DIAPH2: variants seen among roughly 807,000 people sequenced by gnomAD.
The protein encoded by DIAPH2 is protein diaphanous homolog 2.
DIAPH2 carries 35 observed loss-of-function variants against 92.7 expected under a neutral mutation model. That is an observed-to-expected ratio of 0.38 (90% confidence interval 0.29 to 0.50). The LOEUF is 0.50. Among genes scored for constraint, DIAPH2 ranks in the 20% least tolerant of loss-of-function variants. The pLI is 0.94. For missense variants in DIAPH2, 701 were observed against 819.5 expected (o/e 0.86, Z 1.77); for synonymous variants, 301 against 280.4 (o/e 1.07, Z -0.73).
rs185192172 is a variant in DIAPH2 at position 97,033,343 on chromosome X, C to A, written c.2051-39598C>A. 9.0e-3 allele frequency among the ~76,000 whole-genome samples: 1,003 copies of A among 111,401 alleles called. 12 individuals are homozygous for A. The highest frequency in any genetic ancestry group is 0.032 in the African/African-American group (979 of 30,757). On this transcript the variant is annotated intron_variant, in intron 17 of 26. Transcript: ENST00000324765. ...CTTTTTTTCCTAAGTAAGATAATAGCGTCAGAGATCAGAAAGATGCCAGAT... is the reference window on the plus strand; with the variant it reads ...CTTTTTTTCCTAAGTAAGATAATAGAGTCAGAGATCAGAAAGATGCCAGAT...
At chrX:97,099,612 TA>T (rs2066893081) in intron 19 of DIAPH2, 81 bp from the exon 20 acceptor site, 1 of 585,376 alleles carries the variant, frequency 1.7e-6, no homozygotes, top group Non-Finnish European at 2.5e-6. Context: ...CTGTCCTAGT[TA>T]ATCACTTTCA....
intron 26 of DIAPH2, among the ~76,000 whole-genome samples, chrX:97,582,713 C>T (rs1196489951): frequency 2.7e-4 from 29 of 108,757 alleles, no homozygotes; most frequent in Middle Eastern, 4.7e-3. Context: ...TGAATCTGAA[C>T]GTTGGCCTGC....
intron 22 of DIAPH2, among the ~76,000 whole-genome samples, chrX:97,209,722 G>C (rs963921486): frequency 1.8e-5 from 2 of 110,427 alleles, no homozygotes; most frequent in Admixed American, 9.7e-5. Context: ...GAAATAGTAA[G>C]GTACTTATTC....
intron 3 of DIAPH2, 47 bp downstream of exon 3, chrX:96,738,809 C>A: frequency 9.7e-7 from 1 of 1,030,535 alleles, no homozygotes; most frequent in Non-Finnish European, 1.3e-6. Flanking sequence ...TGTGTGTGCC[C>A]AGAATAGCAC....
At chrX:96,815,729 A>G (rs1216763423) in intron 4 of DIAPH2, among the ~76,000 whole-genome samples, 2 of 111,169 alleles carry the variant, frequency 1.8e-5, no homozygotes, top group Non-Finnish European at 3.8e-5. Flanking sequence ...CAGTGGCACT[A>G]TCTGGGTTCA....
intron 5 of DIAPH2, among the ~76,000 whole-genome samples, chrX:96,903,092 A>C (rs2065409538): frequency 9.5e-6 from 1 of 105,474 alleles, no homozygotes; most frequent in South Asian, 4.5e-4. Flanking sequence ...TCACTCATCA[A>C]ATAGCAATTA....
chrX:97,498,391 T>G (rs2070774135), intron 26 of DIAPH2, among the ~76,000 whole-genome samples: 1 of 111,561 alleles, frequency 9.0e-6, no homozygotes, highest in South Asian at 3.8e-4. Flanking sequence ...AAGAAAAATT[T>G]GGTTTGTTTG....
chrX:96,914,573 C>G (rs1220944524), intron 7 of DIAPH2, among the ~76,000 whole-genome samples: 1 of 110,833 alleles, frequency 9.0e-6, no homozygotes, highest in African/African-American at 3.3e-5. Context: ...CTTATTGACT[C>G]ATGTTGTCAA....
intron 4 of DIAPH2, among the ~76,000 whole-genome samples, chrX:96,821,400 TC>T (rs2064776944): frequency 9.0e-6 from 1 of 111,516 alleles, no homozygotes; most frequent in Non-Finnish European, 1.9e-5. Flanking sequence ...GTCTCTGACT[TC>T]CTTGCACATG....
At chrX:96,685,255 T>C (rs1340112317) in intron 1 of DIAPH2, 65 bp downstream of exon 1, 1 of 960,244 alleles carries the variant, frequency 1.0e-6, no homozygotes, top group Non-Finnish European at 1.3e-6. Flanking sequence ...CTCCTGCCAT[T>C]GAACACGGGG....
chrX:97,251,249 G>C (rs2068186243), intron 23 of DIAPH2, among the ~76,000 whole-genome samples: 2 of 111,785 alleles, frequency 1.8e-5, no homozygotes, highest in African/African-American at 6.5e-5. Context: ...AAGACTCAAA[G>C]AAACAGGGAA....
At chrX:97,167,149 T>C (rs753231933) in intron 22 of DIAPH2, among the ~76,000 whole-genome samples, 6 of 111,717 alleles carry the variant, frequency 5.4e-5, no homozygotes, top group Non-Finnish European at 1.1e-4. Flanking sequence ...TTTGTTAATA[T>C]AAACAAAGCT....
At chrX:97,266,435 T>G (rs1324675788) in intron 23 of DIAPH2, among the ~76,000 whole-genome samples, 1 of 112,133 alleles carries the variant, frequency 8.9e-6, no homozygotes, top group East Asian at 2.8e-4. Context: ...TGGACAGTAT[T>G]ATCTTTACAT....
rs2065039792 is a variant in DIAPH2, at chrX:96,856,437, G to C, written c.448-25142G>C. ...CAGGAGATTTAAAAATAGAATTCAA[G>C]GTTTTTTTTTTTTTTTTCCTTTGTG... On this transcript the variant is annotated intron_variant, in intron 4 of 26. Transcript: ENST00000324765. 3.0e-5 allele frequency among the ~76,000 whole-genome samples: 3 copies of C among 100,080 alleles called. No homozygotes were observed. In the South Asian group the frequency reaches 1.4e-3, roughly 48 times the overall value. 86.9% of individuals were successfully genotyped at this position (100,080 alleles called of 115,157 possible). A position where few individuals can be genotyped will look rare whatever the true frequency, so the allele number is the denominator to read the frequency against.
At position 97,394,766 on chromosome X, in the gene DIAPH2, C is replaced by T. The variant is rs192069718; in HGVS notation, c.3145+10722C>T. Reference sequence around the variant, plus strand: ...TATTGAGATGCAAAGAGGAGGAGCTCCCATTGTAGCAATCATCAAATGATA... The same window carrying T: ...TATTGAGATGCAAAGAGGAGGAGCTTCCATTGTAGCAATCATCAAATGATA... On this transcript the variant is annotated intron_variant, in intron 25 of 26. Coordinates refer to ENST00000324765, the MANE Select transcript of DIAPH2 (RefSeq NM_006729.5). 2.1e-3 allele frequency among the ~76,000 whole-genome samples: 232 copies of T among 112,061 alleles called. 2 individuals are homozygous for T. Among genetic ancestry groups the T allele is most frequent in the African/African-American group, 7.0e-3 (216 of 30,872 alleles).
At chrX:96,892,499 G>A (rs6620200) in intron 5 of DIAPH2, among the ~76,000 whole-genome samples, 10,938 of 110,959 alleles carry the variant, frequency 0.099, 545 homozygotes, top group East Asian at 0.32. Context: ...ATTCAAATTC[G>A]TATCAAGTAT....
chrX:97,507,673 A>G (rs976584976), intron 26 of DIAPH2, among the ~76,000 whole-genome samples: 1 of 112,101 alleles, frequency 8.9e-6, no homozygotes, highest in African/African-American at 3.2e-5. Flanking sequence ...CAAGTTTGTG[A>G]TGTTTATAGC....
chrX:97,228,501 A>G (rs1311430287), intron 22 of DIAPH2, among the ~76,000 whole-genome samples: 1 of 111,977 alleles, frequency 8.9e-6, no homozygotes, highest in Non-Finnish European at 1.9e-5. Context: ...TGTTGCTCTG[A>G]TACTACTCAT....
chrX:97,462,486 T>A (rs1338809822), intron 26 of DIAPH2, among the ~76,000 whole-genome samples: 1 of 112,365 alleles, frequency 8.9e-6, no homozygotes, highest in Non-Finnish European at 1.9e-5. Context: ...CTGAAGTTGT[T>A]TACAATTTGC....
Sources: allele counts gnomAD v4.1 joint callset (sites outside exome capture counted in the v4.1 genomes callset), GRCh38; gene constraint gnomAD v4.1.1; transcripts MANE v1.5; gene names NCBI Gene and HGNC (gene_info 2026-07-23, HGNC 2026-07-21).